Variants in TRAPPC3L observed in about 807,000 individuals in gnomAD.
TRAPPC3L encodes the protein trafficking protein particle complex subunit 3L.
In TRAPPC3L, 23 loss-of-function variants were observed where a neutral mutation model predicts 23.7. That is an observed-to-expected ratio of 0.97 (90% CI 0.70 to 1.37). TRAPPC3L has a LOEUF of 1.37. TRAPPC3L is among the 40% of genes most tolerant of loss of function. The probability of loss-of-function intolerance (pLI) is 0.00; values close to 1 mark genes in which losing one functional copy is unlikely to be tolerated. For missense variants in TRAPPC3L, 212 were observed against 216.8 expected, an observed-to-expected ratio of 0.98 and a Z score of 0.14; for synonymous variants, 81 against 77.9, an observed-to-expected ratio of 1.04 and a Z score of -0.21.
intron 3 of TRAPPC3L, among the ~76,000 whole-genome samples, chr6:116,510,335 T>G (rs1241025911): frequency 6.6e-6 from 1 of 152,166 alleles, no homozygotes; most frequent in Admixed American, 6.5e-5. Flanking sequence ...CAGACTGGAA[T>G]GCAGTGGCAT....
At chr6:116,512,420 G>T (rs921332582) in intron 3 of TRAPPC3L, 1 of 619,922 alleles carries the variant, frequency 1.6e-6, no homozygotes. Context: ...GCTCAATAAA[G>T]TTGCTGACTG....
At chr6:116,502,635 G>A (rs1771936874) in intron 3 of TRAPPC3L, among the ~76,000 whole-genome samples, 1 of 152,164 alleles carries the variant, frequency 6.6e-6, no homozygotes, top group African/African-American at 2.4e-5. Context: ...GAAAGGTTGG[G>A]TTACCCATAA....
Position 116,545,616 on chromosome 6 carries a change from T to G in TRAPPC3L, c.-102A>C. The G allele has an allele frequency of 1.9e-6, 2 of 1,058,548 alleles. No homozygotes were observed. The highest frequency in any genetic ancestry group is 1.4e-6 in the Non-Finnish European group (1 of 728,554). 65.6% of individuals were successfully genotyped at this position (1,058,548 alleles called of 1,614,324 possible). A position where few individuals can be genotyped will look rare whatever the true frequency, so the allele number is the denominator to read the frequency against. On this transcript the variant is annotated 5_prime_UTR_variant, in exon 1 of 5. Transcript: ENST00000368602. The stretch of plus-strand genomic sequence containing the variant: ...CTTTTTGTTTTGTTTTTGTAAGCTC[T>G]TCCTCGCTTTGAGACAGGAGTGCTG...
At position 116,545,590 on chromosome 6, in the gene TRAPPC3L, T is replaced by C. The variant is rs1201335140; in HGVS notation, c.-76A>G. Reference sequence around the variant, plus strand: ...TTTCTTAGAGGTGTATCAGTCCATGTCTTTTTGTTTTGTTTTTGTAAGCTC... The same window carrying C: ...TTTCTTAGAGGTGTATCAGTCCATGCCTTTTTGTTTTGTTTTTGTAAGCTC... On this transcript the variant is annotated 5_prime_UTR_variant, in exon 1 of 5. Coordinates refer to ENST00000368602, the MANE Select transcript of TRAPPC3L (RefSeq NM_001139444.3). 1.8e-5 allele frequency: 24 copies of C among 1,368,196 alleles called. No homozygotes were observed. Among genetic ancestry groups the C allele is most frequent in the Admixed American group, 2.3e-5 (1 of 44,080 alleles). 84.8% of individuals were successfully genotyped at this position (1,368,196 alleles called of 1,614,324 possible). A position where few individuals can be genotyped will look rare whatever the true frequency, so the allele number is the denominator to read the frequency against.
At chr6:116,513,169 G>A (rs974880136) in intron 3 of TRAPPC3L, among the ~76,000 whole-genome samples, 13 of 152,114 alleles carry the variant, frequency 8.5e-5, no homozygotes, top group Admixed American at 7.9e-4. Flanking sequence ...CACAGAAATA[G>A]CATTATTTTA....
intron 4 of TRAPPC3L, 120 bp from the exon 5 acceptor site, chr6:116,497,193 T>C: frequency 1.5e-6 from 2 of 1,318,128 alleles, no homozygotes; most frequent in East Asian, 2.6e-5. Context: ...AAAAAGCTTG[T>C]TCGTGGATAA....
In TRAPPC3L at chr6:116,518,713, C is replaced by T. The variant is rs564286075; in HGVS notation, c.241-18047G>A. 2.0e-5 allele frequency: 3 copies of T among 152,314 alleles called. No homozygotes were observed. The East Asian group carries it at 5.8e-4, about 29-fold the overall frequency. The allele number at this position is 152,314 out of a possible 1,614,324, so 9.4% of individuals were successfully genotyped here. A position where few individuals can be genotyped will look rare whatever the true frequency, so the allele number is the denominator to read the frequency against. On this transcript the variant is annotated intron_variant, in intron 3 of 4. Coordinates refer to ENST00000368602, the MANE Select transcript of TRAPPC3L (RefSeq NM_001139444.3). ...ACAGAAGTAGGTTAGCTGTAAGGAGCTGAGGATTGAGGAGTCATATCTGGG... is the reference window on the plus strand; with the variant it reads ...ACAGAAGTAGGTTAGCTGTAAGGAGTTGAGGATTGAGGAGTCATATCTGGG...
intron 3 of TRAPPC3L, among the ~76,000 whole-genome samples, chr6:116,506,938 C>T (rs1051553204): frequency 3.3e-5 from 5 of 152,102 alleles, no homozygotes; most frequent in Admixed American, 6.6e-5. Flanking sequence ...GTGCACCAAA[C>T]CATCATGGCA....
At chr6:116,504,443 A>G (rs1771970487) in intron 3 of TRAPPC3L, among the ~76,000 whole-genome samples, 1 of 152,232 alleles carries the variant, frequency 6.6e-6, no homozygotes, top group Admixed American at 6.5e-5. Context: ...GCCAAATTCT[A>G]CCAAGAGGTA....
intron 3 of TRAPPC3L, among the ~76,000 whole-genome samples, chr6:116,510,153 T>C (rs1761726992): frequency 6.6e-6 from 1 of 152,212 alleles, no homozygotes; most frequent in Non-Finnish European, 1.5e-5. Context: ...TAATAATGGC[T>C]ATTACTAAAA....
intron 3 of TRAPPC3L, chr6:116,522,007 GGGA>G: frequency 6.6e-6 from 1 of 152,046 alleles, no homozygotes; most frequent in African/African-American, 2.4e-5. Context: ...GCTAGCCAGT[GGGA>G]GGAGAGAGAG....
intron 3 of TRAPPC3L, among the ~76,000 whole-genome samples, chr6:116,504,438 A>T (rs1259343545): frequency 1.3e-5 from 2 of 152,232 alleles, no homozygotes; most frequent in Non-Finnish European, 2.9e-5. Context: ...TCACAGCCAA[A>T]TTCTACCAAG....
intron 4 of TRAPPC3L, 45 bp from the exon 5 acceptor site, chr6:116,497,118 A>C (rs1008171488): frequency 1.3e-6 from 2 of 1,498,714 alleles, no homozygotes; most frequent in South Asian, 2.7e-5. Context: ...CAATTAAAAA[A>C]CAAAAAACTA....
In TRAPPC3L at chr6:116,545,495, C is replaced by T. The variant is rs186298269; in HGVS notation, c.20G>A (p.Arg7Gln). 7.8e-4 allele frequency: 1,202 copies of T among 1,547,922 alleles called. 4 individuals carry two copies. In the Middle Eastern group the frequency reaches 7.9e-3, roughly 10 times the overall value. Residue 7 changes from arginine to glutamine, a missense_variant, in exon 1 of 5, where the codon CGA (arginine) becomes CAA (glutamine). Transcript: ENST00000368602. MSRPAH[R>Q]RPEYHKINKD... The stretch of plus-strand genomic sequence containing the variant: ...TACTATTTTATGGTATTCTGGTCTT[C>T]GGTGTGCAGGGCGAGACATAGTGCT...
chr6:116,511,909 T>G lies in TRAPPC3L; in HGVS notation c.241-11243A>C, dbSNP rs781319288. On this transcript the variant is annotated intron_variant, in intron 3 of 4. Coordinates refer to ENST00000368602, the MANE Select transcript of TRAPPC3L (RefSeq NM_001139444.3). ...TGATCCTGGGATTCTTTCTGAACAATAGGTCGTGGAGACTCTTCACAGGCT... is the reference window on the plus strand; with the variant it reads ...TGATCCTGGGATTCTTTCTGAACAAGAGGTCGTGGAGACTCTTCACAGGCT... The G allele has an allele frequency of 1.9e-6, 3 of 1,614,034 alleles. No individual in the cohort carries two copies. In the South Asian group the frequency reaches 3.3e-5, roughly 18 times the overall value.
At chr6:116,512,377 C>T in intron 3 of TRAPPC3L, 1 of 972,352 alleles carries the variant, frequency 1.0e-6, no homozygotes. Context: ...AGCATTGAGA[C>T]TATCTCAGGA....
At chr6:116,514,788 T>C (rs1041721465) in intron 3 of TRAPPC3L, among the ~76,000 whole-genome samples, 1 of 152,212 alleles carries the variant, frequency 6.6e-6, no homozygotes, top group Non-Finnish European at 1.5e-5. Context: ...ATTATTTCTA[T>C]TTTCAAATAG....
chr6:116,501,709 C>T (rs1173592483), intron 3 of TRAPPC3L, among the ~76,000 whole-genome samples: 8 of 152,146 alleles, frequency 5.3e-5, no homozygotes, highest in African/African-American at 1.4e-4. Context: ...CTGCAGCCTC[C>T]GCTGGTGATA....
intron 1 of TRAPPC3L, chr6:116,543,988 C>T (rs1216068561): frequency 6.8e-6 from 6 of 886,878 alleles, no homozygotes; most frequent in South Asian, 1.7e-5. Flanking sequence ...AAACTTAAGA[C>T]AATTTAGGTT....
Sources: allele counts gnomAD v4.1 joint callset (sites outside exome capture counted in the v4.1 genomes callset), GRCh38; gene constraint gnomAD v4.1.1; transcripts MANE v1.5; gene names NCBI Gene and HGNC (gene_info 2026-07-23, HGNC 2026-07-21).